Variants in DGKB observed in about 807,000 individuals in gnomAD.
DGKB encodes the protein 90 kDa diacylglycerol kinase.
DGKB carries 67 observed loss-of-function variants against 114.3 expected under a neutral mutation model. That is an observed-to-expected ratio of 0.59 (90% CI 0.48 to 0.72). The LOEUF is 0.72. Ranked by LOEUF, DGKB falls within the 30% of genes least tolerant of loss-of-function variation. The probability of loss-of-function intolerance (pLI) is 0.00; values close to 1 mark genes in which losing one functional copy is unlikely to be tolerated. For missense variants in DGKB, 907 were observed against 975.2 expected, an observed-to-expected ratio of 0.93 and a Z score of 0.93; for synonymous variants, 398 against 323.1, an observed-to-expected ratio of 1.23 and a Z score of -2.49.
intron 13 of DGKB, among the ~76,000 whole-genome samples, chr7:14,649,017 C>T (rs13238566): frequency 2.1e-5 from 1 of 47,428 alleles, no homozygotes; most frequent in African/African-American, 8.1e-5. Context: ...ATCTACGTCT[C>T]ATTGGTGTAC....
chr7:14,749,444 G>C lies in DGKB; in HGVS notation c.168+4484C>G, dbSNP rs542497141. Among the ~76,000 whole-genome samples the C allele has an allele frequency of 2.6e-5, 4 of 152,184 alleles. No individual in the cohort carries two copies. In the East Asian group the frequency reaches 7.7e-4, roughly 29 times the overall value. ...CTTTACCTAAGACTAGAATTATGAAGACTCAGTAGAAAGACAATTAGAAAT... is the reference window on the plus strand; with the variant it reads ...CTTTACCTAAGACTAGAATTATGAACACTCAGTAGAAAGACAATTAGAAAT... On this transcript the variant is annotated intron_variant, in intron 4 of 25. Transcript: ENST00000402815.
chr7:14,798,165 G>T (rs73070723), intron 2 of DGKB, among the ~76,000 whole-genome samples: 88 of 152,220 alleles, frequency 5.8e-4, no homozygotes, highest in African/African-American at 2.1e-3. Flanking sequence ...GGTACGATGG[G>T]GATGGAAGTT....
rs1243597706 is a variant in DGKB at position 14,652,116 on chromosome 7, C to A, written c.1134+20813G>T. On this transcript the variant is annotated intron_variant, in intron 13 of 25. Coordinates refer to ENST00000402815, the MANE Select transcript of DGKB (RefSeq NM_001350709.2). ...TTCAATGCCATCCCCATCAAGCTAC[C>A]AATGACTTTCTTCACAGAATTGGAA... Among the ~76,000 whole-genome samples, 9 of 128,048 alleles carry A rather than the reference C, an allele frequency of 7.0e-5. No homozygotes were observed. The South Asian group carries it at 1.9e-3, about 27-fold the overall frequency. The allele number at this position is 128,048 out of a possible 152,430, so 84.0% of individuals were successfully genotyped here. A position where few individuals can be genotyped will look rare whatever the true frequency, so the allele number is the denominator to read the frequency against.
At chr7:14,592,205 T>C (rs1801820790) in intron 17 of DGKB, among the ~76,000 whole-genome samples, 3 of 151,898 alleles carry the variant, frequency 2.0e-5, no homozygotes, top group Admixed American at 6.6e-5. Flanking sequence ...ACATGGTGAA[T>C]GCTCGCTTTA....
rs903824842 is a variant in DGKB at position 14,522,958 on chromosome 7, G to A, written c.1771-44733C>T. On this transcript the variant is annotated intron_variant, in intron 20 of 25. Coordinates refer to ENST00000402815, the MANE Select transcript of DGKB (RefSeq NM_001350709.2). ...GCCTAGTTTTTCACTAAAAGTTAAT[G>A]ACCAAGTTGAATGTAAACCCAACTT... Among the ~76,000 whole-genome samples the A allele has an allele frequency of 3.3e-5, 5 of 152,154 alleles. No individual in the cohort carries two copies. In the East Asian group the frequency reaches 5.8e-4, roughly 18 times the overall value.
chr7:14,933,918 T>C (rs1327032091), intron 1 of DGKB, among the ~76,000 whole-genome samples: 3 of 152,300 alleles, frequency 2.0e-5, no homozygotes, highest in Middle Eastern at 3.4e-3. Context: ...AAGCCAAGAA[T>C]CATGAAAGCT....
At chr7:14,965,391 T>C (rs1185949779) in intron 1 of DGKB, among the ~76,000 whole-genome samples, 2 of 152,088 alleles carry the variant, frequency 1.3e-5, no homozygotes, top group African/African-American at 4.8e-5. Flanking sequence ...CAAGTAGAAC[T>C]CAGAGCATAT....
intron 5 of DGKB, among the ~76,000 whole-genome samples, chr7:14,723,308 A>T (rs1829508902): frequency 6.6e-6 from 1 of 152,274 alleles, no homozygotes. Flanking sequence ...TTCTATTTTT[A>T]ATTAACAAAG....
At chr7:14,648,531 C>T (rs1813675536) in intron 13 of DGKB, among the ~76,000 whole-genome samples, 1 of 151,986 alleles carries the variant, frequency 6.6e-6, no homozygotes, top group Admixed American at 6.5e-5. Flanking sequence ...TAGATAAAAC[C>T]ACAAAGATGG....
At chr7:14,850,023 A>G (rs1046239240) in intron 1 of DGKB, among the ~76,000 whole-genome samples, 1 of 152,202 alleles carries the variant, frequency 6.6e-6, no homozygotes, top group Admixed American at 6.5e-5. Context: ...CATCCCCTAA[A>G]AACAAGTGAA....
chr7:14,377,562 A>AATC (rs1818695350), intron 21 of DGKB, among the ~76,000 whole-genome samples: 1 of 152,218 alleles, frequency 6.6e-6, no homozygotes, highest in African/African-American at 2.4e-5. Context: ...CAGGTATGAA[A>AATC]ACACTTGATA....
At chr7:14,788,156 A>T (rs9886044) in intron 2 of DGKB, among the ~76,000 whole-genome samples, 6 of 152,208 alleles carry the variant, frequency 3.9e-5, no homozygotes, top group Non-Finnish European at 7.3e-5. Context: ...AAGGATGGGC[A>T]CAAATAGCTC....
intron 23 of DGKB, among the ~76,000 whole-genome samples, chr7:14,196,888 A>G (rs1785102523): frequency 6.6e-6 from 1 of 152,144 alleles, no homozygotes; most frequent in South Asian, 2.1e-4. Context: ...TTGATGTTTT[A>G]AAAAGCGTGT....
At chr7:14,557,712 T>C (rs1051995405) in intron 20 of DGKB, among the ~76,000 whole-genome samples, 4 of 151,976 alleles carry the variant, frequency 2.6e-5, no homozygotes, top group African/African-American at 9.7e-5. Context: ...CCATTTTTAT[T>C]TCCATTTTAC....
intron 6 of DGKB, among the ~76,000 whole-genome samples, chr7:14,718,212 G>C (rs959459871): frequency 1.3e-5 from 2 of 152,062 alleles, no homozygotes; most frequent in Non-Finnish European, 2.9e-5. Context: ...TCACACACTA[G>C]AAATACATGC....
At chr7:14,349,330 T>C (rs896125400) in intron 21 of DGKB, among the ~76,000 whole-genome samples, 3 of 152,120 alleles carry the variant, frequency 2.0e-5, no homozygotes, top group African/African-American at 7.2e-5. Flanking sequence ...GGTTTATATT[T>C]TGGCAGGTTC....
chr7:14,546,071 T>G (rs1479530025), intron 20 of DGKB, among the ~76,000 whole-genome samples: 1 of 152,172 alleles, frequency 6.6e-6, no homozygotes, highest in African/African-American at 2.4e-5. Flanking sequence ...ATAATCTGGT[T>G]TTTCTTCTAA....
intron 5 of DGKB, among the ~76,000 whole-genome samples, chr7:14,734,781 T>C (rs1231261795): frequency 6.6e-6 from 1 of 152,210 alleles, no homozygotes; most frequent in Non-Finnish European, 1.5e-5. Context: ...TCAATAGATA[T>C]CATCCACATA....
chr7:14,356,153 T>C (rs1814437501), intron 21 of DGKB, among the ~76,000 whole-genome samples: 1 of 152,120 alleles, frequency 6.6e-6, no homozygotes, highest in Non-Finnish European at 1.5e-5. Context: ...TTGCATCTAT[T>C]TGATTCTTTC....
Sources: gnomAD v4.1 joint callset for allele counts (sites outside exome capture counted in the v4.1 genomes callset) on GRCh38, gnomAD v4.1.1 for gene constraint, MANE v1.5 for transcripts, NCBI Gene and HGNC (gene_info 2026-07-23, HGNC 2026-07-21) for gene names.